Variants in ESYT2 observed in about 807,000 individuals in gnomAD.
ESYT2 encodes the protein extended synaptotagmin 2, also known as extended synaptotagmin-2.
In ESYT2, 54 loss-of-function variants were observed where a neutral mutation model predicts 107.2. The observed-to-expected ratio is 0.50, with a 90% CI of 0.40 to 0.63. The LOEUF (loss-of-function observed/expected upper bound fraction) is 0.63, where lower values mean the gene tolerates loss of function less well. ESYT2 is among the 30% of genes least tolerant of loss of function. ESYT2 has a pLI of 0.00. For missense variants in ESYT2, 1,020 were observed against 1,094.5 expected (o/e 0.93, Z 0.96); for synonymous variants, 491 against 434.1 (o/e 1.13, Z -1.63).
chr7:158,817,693 T>C (rs1477709644), intron 1 of ESYT2, among the ~76,000 whole-genome samples: 1 of 152,284 alleles, frequency 6.6e-6, no homozygotes, highest in Non-Finnish European at 1.5e-5. Context: ...CTTGAGACTA[T>C]GTCACCAGCA....
chr7:158,735,020 A>AT (rs1188116331), intron 21 of ESYT2, among the ~76,000 whole-genome samples: 2 of 152,220 alleles, frequency 1.3e-5, no homozygotes, highest in African/African-American at 4.8e-5. Context: ...CTATGACGGA[A>AT]TATCAGCGGA....
At chr7:158,749,553 G>C in intron 15 of ESYT2, 96 bp downstream of exon 15, 1 of 1,125,726 alleles carries the variant, frequency 8.9e-7, no homozygotes. Flanking sequence ...TCACACAACT[G>C]AATGTATTTG....
chr7:158,760,506 C>T (rs926437596), intron 11 of ESYT2, among the ~76,000 whole-genome samples: 2 of 152,052 alleles, frequency 1.3e-5, no homozygotes, highest in African/African-American at 4.8e-5. Context: ...TATGAATAGA[C>T]TTCTTTTTTT....
intron 15 of ESYT2, 122 bp from the exon 16 acceptor site, chr7:158,748,402 G>A (rs1837475271): frequency 1.3e-6 from 1 of 759,072 alleles, no homozygotes; most frequent in East Asian, 2.7e-5. Flanking sequence ...AAAACTAGAA[G>A]CTTAGGTTGA....
At chr7:158,815,883 T>A (rs558157781) in intron 1 of ESYT2, among the ~76,000 whole-genome samples, 1 of 152,282 alleles carries the variant, frequency 6.6e-6, no homozygotes, top group Admixed American at 6.5e-5. Flanking sequence ...ATAAATCTGA[T>A]TTCTGAGATG....
intron 6 of ESYT2, among the ~76,000 whole-genome samples, chr7:158,776,590 G>A (rs1209090105): frequency 6.6e-6 from 1 of 152,198 alleles, no homozygotes; most frequent in African/African-American, 2.4e-5. Flanking sequence ...AGTGAAGATA[G>A]TTAGGACTTT....
chr7:158,813,602 T>G (rs563510189), intron 1 of ESYT2, among the ~76,000 whole-genome samples: 1 of 152,174 alleles, frequency 6.6e-6, no homozygotes, highest in Non-Finnish European at 1.5e-5. Flanking sequence ...CAGACAAAAA[T>G]TGAGAAAATC....
At chr7:158,794,404 A>T (rs2709854) in intron 3 of ESYT2, among the ~76,000 whole-genome samples, 6 of 152,306 alleles carry the variant, frequency 3.9e-5, no homozygotes, top group South Asian at 4.1e-4. Context: ...TGAGGTGGGG[A>T]GATTGCTTGA....
At chr7:158,792,207 G>A (rs1215342677) in intron 4 of ESYT2, among the ~76,000 whole-genome samples, 1 of 141,232 alleles carries the variant, frequency 7.1e-6, no homozygotes, top group African/African-American at 2.7e-5. Context: ...CTACATATGA[G>A]ATCATCTCAA....
chr7:158,768,775 C>T (rs1394718019), intron 7 of ESYT2, among the ~76,000 whole-genome samples: 1 of 152,198 alleles, frequency 6.6e-6, no homozygotes, highest in Non-Finnish European at 1.5e-5. Context: ...CGCCTGTAAT[C>T]CCTACACTTT....
chr7:158,808,424 T>G (rs374762737), intron 1 of ESYT2, among the ~76,000 whole-genome samples: 1 of 152,342 alleles, frequency 6.6e-6, no homozygotes, highest in South Asian at 2.1e-4. Context: ...TTTATTTTAC[T>G]TAATGGCCCA....
In ESYT2 at chr7:158,731,257, C is replaced by T. The variant is rs1030394123; in HGVS notation, c.*2950G>A. On this transcript the variant is annotated 3_prime_UTR_variant, in exon 23 of 23. Coordinates refer to ENST00000275418, the MANE Select transcript of ESYT2 (RefSeq NM_001367773.1). The stretch of plus-strand genomic sequence containing the variant: ...GAATGTCTGTAAAAGGAATTCTTAC[C>T]GTGCAGAATATATTATCATGGTAAA... The T allele has an allele frequency of 2.6e-5, 4 of 152,172 alleles. No individual in the cohort carries two copies. Among genetic ancestry groups the T allele is most frequent in the African/African-American group, 9.7e-5 (4 of 41,434 alleles). The allele number at this position is 152,172 out of a possible 1,614,324, so 9.4% of individuals were successfully genotyped here.
chr7:158,786,934 C>T (rs773411872), intron 6 of ESYT2, among the ~76,000 whole-genome samples: 10 of 151,992 alleles, frequency 6.6e-5, no homozygotes, highest in South Asian at 4.2e-4. Context: ...ACAAAAGGGG[C>T]GAAGAAAGTT....
At chr7:158,751,821 C>T (rs1239635615) in intron 14 of ESYT2, among the ~76,000 whole-genome samples, 1 of 152,144 alleles carries the variant, frequency 6.6e-6, no homozygotes, top group Non-Finnish European at 1.5e-5. Context: ...TCAGCCTTAA[C>T]GTTATGTTCT....
At chr7:158,763,283 T>C (rs1838038277) in intron 9 of ESYT2, 118 bp from the exon 10 acceptor site, 1 of 197,192 alleles carries the variant, frequency 5.1e-6, no homozygotes, top group African/African-American at 1.8e-4. Context: ...TAAATCCTTA[T>C]TTATTTATTT....
intron 1 of ESYT2, among the ~76,000 whole-genome samples, chr7:158,825,580 A>G (rs1380428006): frequency 1.3e-5 from 2 of 152,250 alleles, no homozygotes; most frequent in Non-Finnish European, 1.5e-5. Context: ...AATAGCCTCA[A>G]TCAGGAACAG....
chr7:158,793,542 T>C (rs1043603368), intron 4 of ESYT2, 108 bp downstream of exon 4: 2 of 774,084 alleles, frequency 2.6e-6, no homozygotes, highest in Non-Finnish European at 4.3e-6. Context: ...CGAATTCCAA[T>C]CAACAGCAGG....
intron 5 of ESYT2, 80 bp downstream of exon 5, chr7:158,788,265 A>T: frequency 1.4e-6 from 2 of 1,408,590 alleles, no homozygotes. Context: ...AGCTAAAAAA[A>T]CTTCCTAATT....
intron 10 of ESYT2, among the ~76,000 whole-genome samples, chr7:158,762,295 C>G (rs1369501999): frequency 6.6e-6 from 1 of 152,146 alleles, no homozygotes; most frequent in East Asian, 1.9e-4. Context: ...AGTCTCTAAG[C>G]TCAGCCCCCG....
Sources: gnomAD v4.1 joint callset for allele counts (sites outside exome capture counted in the v4.1 genomes callset) on GRCh38, gnomAD v4.1.1 for gene constraint, MANE v1.5 for transcripts, NCBI Gene and HGNC (gene_info 2026-07-23, HGNC 2026-07-21) for gene names.